Variants in EMILIN2 observed in about 807,000 individuals in gnomAD.
EMILIN2 encodes the protein EMILIN-2.
A neutral mutation model predicts 87.1 loss-of-function variants in EMILIN2; 71 were observed. That is an observed-to-expected ratio of 0.82 (90% CI 0.67 to 0.99). The LOEUF (loss-of-function observed/expected upper bound fraction) is 0.99, where lower values mean the gene tolerates loss of function less well. EMILIN2 is among the 50% of genes least tolerant of loss of function. The pLI is 0.00. For missense variants in EMILIN2, 1,407 were observed against 1,371.8 expected (o/e 1.03, Z -0.40); for synonymous variants, 581 against 563.4 (o/e 1.03, Z -0.44).
Position 2,913,288 on chromosome 18 carries a change from G to GC in EMILIN2, c.3047dup (p.Asp1018ArgfsTer18). On this transcript the variant is annotated frameshift_variant, in exon 8 of 8. Transcript: ENST00000254528. LOFTEE classifies it high-confidence loss of function. ...ATTCCACCTCATCGTGCACCTGAAG[G>GC]CGGGAGATGCAGTCAACGTCGTGGT... 1 of 1,613,394 alleles carries GC rather than the reference G, an allele frequency of 6.2e-7. No individual in the cohort carries two copies.
chr18:2,912,930 G>A (rs2076948178), intron 7 of EMILIN2, 137 bp from the exon 8 acceptor site: 3 of 882,146 alleles, frequency 3.4e-6, no homozygotes, highest in Non-Finnish European at 3.4e-6. Context: ...AGCAGCTGAG[G>A]CAGGCAGCCA....
chr18:2,909,269 T>TG (rs1351600630), intron 6 of EMILIN2, among the ~76,000 whole-genome samples: 1 of 152,206 alleles, frequency 6.6e-6, no homozygotes, highest in African/African-American at 2.4e-5. Context: ...CCTCTGCCCT[T>TG]GTGTGGTCCT....
In EMILIN2 at chr18:2,914,475, T is replaced by A. The variant is rs566308690; in HGVS notation, c.*1071T>A. The A allele has an allele frequency of 2.2e-4, 33 of 152,328 alleles. No homozygotes were observed. The highest frequency in any genetic ancestry group is 7.9e-4 in the African/African-American group (33 of 41,574). 9.4% of individuals were successfully genotyped at this position (152,328 alleles called of 1,614,324 possible). Reference sequence around the variant, plus strand: ...CTAACGCTGGCCACACGCTGACAGCTGAGCCCATCTGAGAACACGGCATCT... The same window carrying A: ...CTAACGCTGGCCACACGCTGACAGCAGAGCCCATCTGAGAACACGGCATCT... On this transcript the variant is annotated 3_prime_UTR_variant, in exon 8 of 8. Coordinates refer to ENST00000254528, the MANE Select transcript of EMILIN2 (RefSeq NM_032048.3).
Position 2,912,956 on chromosome 18 carries a change from C to CA in EMILIN2, c.2825-110dup. ...CAGGCAGCCAGCTACCATGGGAAGACAGAGATGGCTGGTCTCCCAGGCCCA... is the reference window on the plus strand; with the variant it reads ...CAGGCAGCCAGCTACCATGGGAAGACAAGAGATGGCTGGTCTCCCAGGCCCA... On this transcript the variant is annotated intron_variant, in intron 7 of 7. Transcript: ENST00000254528. 2.7e-6 allele frequency: 3 copies of CA among 1,131,338 alleles called. No homozygotes were observed. In the Admixed American group the frequency reaches 6.9e-5, roughly 26 times the overall value. 70.1% of individuals were successfully genotyped at this position (1,131,338 alleles called of 1,614,324 possible). A position where few individuals can be genotyped will look rare whatever the true frequency, so the allele number is the denominator to read the frequency against.
chr18:2,862,663 A>G (rs1165566340), intron 2 of EMILIN2, among the ~76,000 whole-genome samples: 5 of 152,078 alleles, frequency 3.3e-5, no homozygotes, highest in Non-Finnish European at 5.9e-5. Flanking sequence ...TTCATCAGGG[A>G]TATTGGTCTA....
chr18:2,891,640 C>T lies in EMILIN2; in HGVS notation c.1513C>T (p.Leu505Phe). The T allele has an allele frequency of 6.2e-7, 1 of 1,614,068 alleles. No individual in the cohort carries two copies. Among genetic ancestry groups the T allele is most frequent in the Non-Finnish European group, 8.5e-7 (1 of 1,180,030 alleles). ...QSLEDRLGSV[L>F]LQMTNNTGAE... ...TCTGGAAGACCGTCTGGGGAGCGTT[C>T]TCCTACAGATGACCAATAACACTGG... Residue 505 changes from leucine (L) to phenylalanine (F), a missense_variant, in exon 4 of 8, where the codon CTC (leucine) becomes TTC (phenylalanine). By Grantham distance (22) the Leu-to-Phe change is conservative (BLOSUM62 0). Transcript: ENST00000254528. The surrounding 1 kb of genome is among the most constrained non-coding windows in gnomAD (Gnocchi z 4.6).
chr18:2,902,834 G>GC (rs1316051262), intron 4 of EMILIN2, among the ~76,000 whole-genome samples: 1 of 152,134 alleles, frequency 6.6e-6, no homozygotes, highest in African/African-American at 2.4e-5. Flanking sequence ...GTGTGAAGGA[G>GC]CAGGAGGGGG....
chr18:2,889,877 C>T (rs2076825555), intron 3 of EMILIN2, among the ~76,000 whole-genome samples: 1 of 152,086 alleles, frequency 6.6e-6, no homozygotes, highest in Admixed American at 6.5e-5. Context: ...TATATATGGT[C>T]AGACGGTGCT....
In EMILIN2 at chr18:2,847,977, G is replaced by T; in HGVS notation, c.257+46G>T. 2 of 1,536,934 alleles carry T rather than the reference G, an allele frequency of 1.3e-6. No individual in the cohort carries two copies. The highest frequency in any genetic ancestry group is 8.7e-7 in the Non-Finnish European group (1 of 1,144,442). Reference sequence around the variant, plus strand: ...GCGGGCGGGGCGCGCCCGGGCCGGGGCGGTGGGGGTGGGGTGGGGTTGCTG... The same window carrying T: ...GCGGGCGGGGCGCGCCCGGGCCGGGTCGGTGGGGGTGGGGTGGGGTTGCTG... On this transcript the variant is annotated intron_variant, in intron 2 of 7. Transcript: ENST00000254528. The surrounding 1 kb of genome is among the most constrained non-coding windows in gnomAD (Gnocchi z 4.5).
chr18:2,904,687 T>C (rs1041335752), intron 4 of EMILIN2, among the ~76,000 whole-genome samples: 4 of 152,242 alleles, frequency 2.6e-5, no homozygotes, highest in African/African-American at 9.6e-5. Context: ...TTTATTTTCT[T>C]GCACTGTGTC....
intron 2 of EMILIN2, among the ~76,000 whole-genome samples, chr18:2,867,798 C>T (rs1032475719): frequency 5.3e-5 from 8 of 152,266 alleles, no homozygotes; most frequent in Non-Finnish European, 1.0e-4. Context: ...CTTTTCCCCA[C>T]CTTTCCCTCC....
Position 2,906,788 on chromosome 18 carries a change from C to T in EMILIN2, c.2365C>T (p.Pro789Ser). The T allele has an allele frequency of 2.4e-6, 3 of 1,264,558 alleles. No homozygotes were observed. The highest frequency in any genetic ancestry group is 3.0e-6 in the Non-Finnish European group (3 of 1,009,788). The allele number at this position is 1,264,558 out of a possible 1,614,324, so 78.3% of individuals were successfully genotyped here. ...TTCTCCCCGACGCCCGGCAGAGGCG[C>T]CCTCGCCCCCGCCGCCCGCAGAGGC... ...LVKFQPSAKAPSPPPPAEAPK... is the reference protein window; with the variant it reads ...LVKFQPSAKASSPPPPAEAPK... The change falls in exon 5 of 8, where the codon CCC becomes TCC. Residue 789 changes from proline (P) to serine (S), a missense_variant. Coordinates refer to ENST00000254528, the MANE Select transcript of EMILIN2 (RefSeq NM_032048.3).
At chr18:2,901,135 AGGTTTCAGTGG>A (rs913705331) in intron 4 of EMILIN2, among the ~76,000 whole-genome samples, 2 of 152,212 alleles carry the variant, frequency 1.3e-5, no homozygotes, top group Admixed American at 6.5e-5. Flanking sequence ...TGCATGGACA[AGGTTTCAGTGG>A]CTTTCCCACA....
chr18:2,907,178 G>C (rs2076918658), intron 5 of EMILIN2, 93 bp downstream of exon 5: 1 of 1,195,920 alleles, frequency 8.4e-7, no homozygotes, highest in Non-Finnish European at 1.0e-6. Context: ...GCGGTTCGGG[G>C]TCCAGCCTTC....
chr18:2,879,743 C>T (rs72870037), intron 2 of EMILIN2, among the ~76,000 whole-genome samples: 33,086 of 150,632 alleles, frequency 0.22, 4,631 homozygotes, highest in Non-Finnish European at 0.3. Flanking sequence ...TGGTCTCTGT[C>T]GCCCAGGCTG....
chr18:2,871,264 A>T (rs2076718427), intron 2 of EMILIN2, among the ~76,000 whole-genome samples: 1 of 151,722 alleles, frequency 6.6e-6, no homozygotes, highest in Non-Finnish European at 1.5e-5. Flanking sequence ...TTTGTGGAGG[A>T]TGGGGTCTTG....
chr18:2,846,689 C>T (rs2076575213), upstream of EMILIN2: 1 of 943,698 alleles, frequency 1.1e-6, no homozygotes, highest in Non-Finnish European at 1.3e-6. This position sits in a 1 kb window ranked among gnomAD's most constrained non-coding sequence, Gnocchi z 5.3. Flanking sequence ...GCGAGGACGG[C>T]CAGACTCGCC....
intron 2 of EMILIN2, among the ~76,000 whole-genome samples, chr18:2,858,551 A>ATATATATGTGTG (rs2076640890): frequency 2.1e-5 from 1 of 48,458 alleles, no homozygotes; most frequent in Admixed American, 2.1e-4. Flanking sequence ...ATATATATAT[A>ATATATATGTGTG]TATATATATA....
chr18:2,846,511 A>G (rs1284375561), upstream of EMILIN2, among the ~76,000 whole-genome samples: 1 of 152,212 alleles, frequency 6.6e-6, no homozygotes, highest in Admixed American at 6.5e-5. The surrounding 1 kb of genome is among the most constrained non-coding windows in gnomAD (Gnocchi z 5.3). Context: ...TGGGCAAAGA[A>G]AGAACCAGCG....
Sources: gnomAD v4.1 joint callset for allele counts (sites outside exome capture counted in the v4.1 genomes callset) on GRCh38, gnomAD v4.1.1 for gene constraint, Gnocchi (gnomAD v3.1) non-coding constraint, MANE v1.5 for transcripts, NCBI Gene and HGNC (gene_info 2026-07-23, HGNC 2026-07-21) for gene names.